RRP9: variants seen among roughly 807,000 people sequenced by gnomAD.
RRP9 encodes U3 small nucleolar RNA-interacting protein 2.
In RRP9, 35 loss-of-function variants were observed where a neutral mutation model predicts 65.5. The ratio of observed to expected loss-of-function variants is 0.53; its 90% confidence interval spans 0.41 to 0.71. The LOEUF (loss-of-function observed/expected upper bound fraction) is 0.71. Ranked by LOEUF, RRP9 falls within the 30% of genes least tolerant of loss-of-function variation. The pLI, the probability that RRP9 is intolerant of heterozygous loss-of-function variation, is 0.00. For missense variants in RRP9, 533 were observed against 633.6 expected (o/e 0.84, Z 1.70); for synonymous variants, 254 against 245.0 (o/e 1.04, Z -0.34).
At chr3:51,935,772 C>T (rs930377976) in intron 8 of RRP9, 80 bp from the exon 9 acceptor site, 4 of 1,231,270 alleles carry the variant, frequency 3.2e-6, no homozygotes, top group Non-Finnish European at 4.8e-6. Flanking sequence ...GAGGACTTCC[C>T]AAAAAGCAAG....
chr3:51,936,150 C>G, intron 8 of RRP9, 107 bp downstream of exon 8: 1 of 1,046,542 alleles, frequency 9.6e-7, no homozygotes, highest in Non-Finnish European at 1.5e-6. Context: ...CACTCGCTAC[C>G]CCAGGATGCA....
Position 51,934,726 on chromosome 3 carries a change from C to T in RRP9, c.1085G>A (p.Arg362His), listed in dbSNP as rs200679569. 1.5e-5 allele frequency: 24 copies of T among 1,614,010 alleles called. No individual in the cohort carries two copies. The Admixed American group carries it at 1.7e-4, about 11-fold the overall frequency. Residue 362 changes from arginine to histidine, a missense_variant, in exon 12 of 15, where the codon CGT becomes CAT. Arg to His is a conservative substitution (Grantham distance 29). Coordinates refer to ENST00000232888, the MANE Select transcript of RRP9 (RefSeq NM_004704.5). This position sits in a 1 kb window ranked among gnomAD's most constrained non-coding sequence, Gnocchi z 4.1. ...LSKKRPLALQ[R>H]EAHGLRGEPG... ...CTCTCCCCGCAGCCCGTGAGCTTCA[C>T]GCTGCAGGGCAAGTGGTCGCTTCTT...
intron 2 of RRP9, among the ~76,000 whole-genome samples, chr3:51,939,624 T>A (rs1159913795): frequency 1.3e-5 from 2 of 152,196 alleles, no homozygotes; most frequent in Admixed American, 1.3e-4. Flanking sequence ...CACTGAACTA[T>A]AACTTTAAAA....
Position 51,935,693 on chromosome 3 carries a change from C to T in RRP9, c.736-1G>A. 1 of 1,613,502 alleles carries T rather than the reference C, an allele frequency of 6.2e-7. No homozygotes were observed. Among genetic ancestry groups the T allele is most frequent in the Non-Finnish European group, 8.5e-7 (1 of 1,179,470 alleles). Reference sequence around the variant, plus strand: ...GGGTGCCTCTGCGGAATGCCAGACCCTAAGGGTGCATGGGGAGAGGGCAAA... The same window carrying T: ...GGGTGCCTCTGCGGAATGCCAGACCTTAAGGGTGCATGGGGAGAGGGCAAA... On this transcript the variant is annotated splice_acceptor_variant, in intron 8 of 14. Coordinates refer to ENST00000232888, the MANE Select transcript of RRP9 (RefSeq NM_004704.5). LOFTEE classifies it high-confidence loss of function.
intron 2 of RRP9, among the ~76,000 whole-genome samples, chr3:51,939,322 G>A (rs2106677286): frequency 6.6e-6 from 1 of 152,340 alleles, no homozygotes. Context: ...CACAGCCAAG[G>A]GACCTGTGTT....
chr3:51,934,713 C>T lies in RRP9; in HGVS notation c.1098G>A (p.Gly366=). 1 of 1,614,146 alleles carries T rather than the reference C, an allele frequency of 6.2e-7. No homozygotes were observed. The highest frequency in any genetic ancestry group is 8.5e-7 in the Non-Finnish European group (1 of 1,180,020). The part of the protein sequence containing the change: ...RPLALQREAH[G]LRGEPGLEQP... ...GCTCCAGGCCTGGCTCTCCCCGCAG[C>T]CCGTGAGCTTCACGCTGCAGGGCAA... Residue 366 remains glycine, a synonymous_variant, in exon 12 of 15, where the codon GGG becomes GGA. Transcript: ENST00000232888. This position sits in a 1 kb window ranked among gnomAD's most constrained non-coding sequence, Gnocchi z 4.1.
intron 1 of RRP9, 59 bp from the exon 2 acceptor site, chr3:51,941,550 AG>A: frequency 2.0e-6 from 3 of 1,487,722 alleles, no homozygotes; most frequent in Middle Eastern, 1.7e-4. Flanking sequence ...GCATTGACCA[AG>A]GGCCCCCCCC....
In RRP9 at chr3:51,937,450, T is replaced by A; in HGVS notation, c.390+95A>T. ...AAGACCCAAGGCTACAACAACCAGA[T>A]CCTTACCTGACCAGATAGGCCCAAG... is the stretch of plus-strand genomic sequence containing the variant. On this transcript the variant is annotated intron_variant, in intron 5 of 14. Transcript: ENST00000232888. The surrounding 1 kb of genome is among the most constrained non-coding windows in gnomAD (Gnocchi z 5.0). The A allele has an allele frequency of 6.2e-7, 1 of 1,607,066 alleles. No homozygotes were observed. Among genetic ancestry groups the A allele is most frequent in the South Asian group, 1.1e-5 (1 of 90,844 alleles).
In RRP9 at chr3:51,934,563, G is replaced by A; in HGVS notation, c.1181-12C>T. ...GGAGCTGTGGGAGCCTGGGGAGACT[G>A]GAACAGTGAGCAACCCCTGCACCGG... On this transcript the variant is annotated splice_polypyrimidine_tract_variant and intron_variant, in intron 12 of 14. Coordinates refer to ENST00000232888, the MANE Select transcript of RRP9 (RefSeq NM_004704.5). This position sits in a 1 kb window ranked among gnomAD's most constrained non-coding sequence, Gnocchi z 4.1. 6.2e-7 allele frequency: 1 copy of A among 1,613,826 alleles called. No individual in the cohort carries two copies.
At chr3:51,941,679 GGGCGAAGGGCT>G (rs1326097645) in intron 1 of RRP9, 91 bp downstream of exon 1, 3 of 1,205,940 alleles carry the variant, frequency 2.5e-6, no homozygotes, top group Non-Finnish European at 3.5e-6. Flanking sequence ...CAGGGGTCCA[GGGCGAAGGGCT>G]GGGGAAGGGC....
chr3:51,941,695 A>G (rs911656899), intron 1 of RRP9, 86 bp downstream of exon 1: 1 of 1,282,382 alleles, frequency 7.8e-7, no homozygotes, highest in Non-Finnish European at 1.1e-6. Context: ...AGGGCTGGGG[A>G]AGGGCCGGGA....
intron 9 of RRP9, 39 bp downstream of exon 9, chr3:51,935,549 CCTCT>C: frequency 4.3e-6 from 7 of 1,613,424 alleles, no homozygotes; most frequent in Non-Finnish European, 5.9e-6. Flanking sequence ...ACTCCCACAC[CCTCT>C]CTCACACCAT....
intron 2 of RRP9, among the ~76,000 whole-genome samples, chr3:51,938,918 C>T (rs371272946): frequency 6.6e-6 from 1 of 152,200 alleles, no homozygotes; most frequent in Non-Finnish European, 1.5e-5. Context: ...AGGTTCCAAG[C>T]GAACCTTCAC....
intron 8 of RRP9, 82 bp from the exon 9 acceptor site, chr3:51,935,774 A>G: frequency 8.3e-7 from 1 of 1,197,792 alleles, no homozygotes; most frequent in Admixed American, 1.8e-5. Flanking sequence ...GGACTTCCCA[A>G]AAAGCAAGCC....
chr3:51,933,979 G>A (rs368358003), intron 13 of RRP9, among the ~76,000 whole-genome samples, 198 bp from the exon 14 acceptor site: 213 of 152,312 alleles, frequency 1.4e-3, no homozygotes, highest in Middle Eastern at 3.4e-3. Context: ...AGCAGAGCAC[G>A]GGGCTAGCAG....
intron 2 of RRP9, among the ~76,000 whole-genome samples, chr3:51,939,926 G>A (rs2106677983): frequency 6.6e-6 from 1 of 152,244 alleles, no homozygotes; most frequent in East Asian, 1.9e-4. Context: ...ACACTAGCCT[G>A]GCACACACTC....
rs780010667 is a variant in RRP9 at position 51,937,328 on chromosome 3, C to T, written c.391-10G>A. The stretch of plus-strand genomic sequence containing the variant: ...AGGCTGGGGCCTGGATCTGGGCAGA[C>T]AGGGGCCAGGTCACTGTGGCTAGTG... On this transcript the variant is annotated splice_polypyrimidine_tract_variant and intron_variant, in intron 5 of 14. Coordinates refer to ENST00000232888, the MANE Select transcript of RRP9 (RefSeq NM_004704.5). The surrounding 1 kb of genome is among the most constrained non-coding windows in gnomAD (Gnocchi z 5.0). 7.4e-6 allele frequency: 12 copies of T among 1,613,896 alleles called. No individual in the cohort carries two copies. In the East Asian group the frequency reaches 2.2e-4, roughly 30 times the overall value.
At position 51,937,170 on chromosome 3, in the gene RRP9, C is replaced by T. The variant is rs986141829; in HGVS notation, c.517+22G>A. ...CCCGGATCCGCCATGGGGGCTCCAG[C>T]CCCACCCAGGCACTCACTCACACTT... is the stretch of plus-strand genomic sequence containing the variant. On this transcript the variant is annotated intron_variant, in intron 6 of 14. Transcript: ENST00000232888. This position sits in a 1 kb window ranked among gnomAD's most constrained non-coding sequence, Gnocchi z 5.0. 6 of 1,611,410 alleles carry T rather than the reference C, an allele frequency of 3.7e-6. No homozygotes were observed. In the East Asian group the frequency reaches 8.9e-5, roughly 24 times the overall value.
In RRP9 at chr3:51,936,097, TC is replaced by T. The variant is rs528093185; in HGVS notation, c.735+159del. The stretch of plus-strand genomic sequence containing the variant: ...CCCGGTCTCCCCCAGCTCCTCCCCA[TC>T]CCTTTAGCCCATTTATGTATTTTAC... On this transcript the variant is annotated intron_variant, in intron 8 of 14. Coordinates refer to ENST00000232888, the MANE Select transcript of RRP9 (RefSeq NM_004704.5). Among the ~76,000 whole-genome samples the T allele has an allele frequency of 8.5e-5, 13 of 152,150 alleles. No individual in the cohort carries two copies. The South Asian group carries it at 1.5e-3, about 17-fold the overall frequency.
Sources: gnomAD v4.1 joint callset for allele counts (sites outside exome capture counted in the v4.1 genomes callset) on GRCh38, gnomAD v4.1.1 for gene constraint, Gnocchi (gnomAD v3.1) non-coding constraint, MANE v1.5 for transcripts, NCBI Gene and HGNC (gene_info 2026-07-23, HGNC 2026-07-21) for gene names.